Variants in GMDS observed in about 807,000 individuals in gnomAD.
GMDS encodes the protein GDP-mannose 4,6-dehydratase.
GMDS carries 20 observed loss-of-function variants against 49.9 expected under a neutral mutation model. That is an observed-to-expected ratio of 0.40 (90% CI 0.28 to 0.58). The LOEUF (loss-of-function observed/expected upper bound fraction) is 0.58, where lower values mean the gene tolerates loss of function less well. Among genes scored for constraint, GMDS ranks in the 20% least tolerant of loss-of-function variants. The pLI is 0.42. For missense variants in GMDS, 362 were observed against 481.4 expected, an observed-to-expected ratio of 0.75 and a Z score of 2.32; for synonymous variants, 177 against 178.6, an observed-to-expected ratio of 0.99 and a Z score of 0.07.
At chr6:1,665,853 T>A (rs980455316) in intron 9 of GMDS, among the ~76,000 whole-genome samples, 2 of 152,242 alleles carry the variant, frequency 1.3e-5, no homozygotes, top group Non-Finnish European at 2.9e-5. Context: ...GTGAAAAAGC[T>A]CTCCTGAGCT....
At chr6:2,016,967 CAT>C (rs914628472) in intron 4 of GMDS, among the ~76,000 whole-genome samples, 1 of 151,700 alleles carries the variant, frequency 6.6e-6, no homozygotes, top group African/African-American at 2.4e-5. Flanking sequence ...ATCTAAAACA[CAT>C]AATCTAAATT....
At chr6:1,889,557 C>T (rs1759777016) in intron 7 of GMDS, among the ~76,000 whole-genome samples, 2 of 152,156 alleles carry the variant, frequency 1.3e-5, no homozygotes, top group African/African-American at 4.8e-5. Context: ...AGACCTCTCT[C>T]CCAAGTTCCA....
At chr6:1,731,263 A>G (rs754088557) in intron 8 of GMDS, among the ~76,000 whole-genome samples, 2 of 152,248 alleles carry the variant, frequency 1.3e-5, no homozygotes, top group Non-Finnish European at 2.9e-5. Context: ...GGCAGTCAGT[A>G]TAACAGGATT....
chr6:1,752,231 T>C (rs1767764126), intron 7 of GMDS, among the ~76,000 whole-genome samples: 1 of 152,036 alleles, frequency 6.6e-6, no homozygotes, highest in African/African-American at 2.4e-5. Context: ...GAGAACTTCG[T>C]GAAGCATACA....
intron 8 of GMDS, among the ~76,000 whole-genome samples, chr6:1,739,348 C>T (rs1276387161): frequency 3.3e-5 from 5 of 152,200 alleles, no homozygotes; most frequent in East Asian, 3.9e-4. Context: ...AGTAGGGGTG[C>T]GGCTCCTGGC....
chr6:2,076,195 T>G (rs1485275473), intron 4 of GMDS, among the ~76,000 whole-genome samples: 1 of 152,198 alleles, frequency 6.6e-6, no homozygotes, highest in Non-Finnish European at 1.5e-5. Context: ...TCTCCCATTC[T>G]GTAGGTTGCC....
chr6:1,729,987 C>G (rs938430531), intron 8 of GMDS, among the ~76,000 whole-genome samples: 2 of 149,172 alleles, frequency 1.3e-5, no homozygotes, highest in African/African-American at 5.0e-5. Context: ...TTGGTGGGGG[C>G]GGGGGAACAA....
chr6:2,176,584 C>G (rs1778294883), intron 1 of GMDS, among the ~76,000 whole-genome samples: 1 of 152,140 alleles, frequency 6.6e-6, no homozygotes, highest in Non-Finnish European at 1.5e-5. Flanking sequence ...TTAACTTAGG[C>G]AAGGTGTAGA....
At chr6:1,780,099 G>C in intron 7 of GMDS, among the ~76,000 whole-genome samples, 1 of 152,240 alleles carries the variant, frequency 6.6e-6, no homozygotes, top group East Asian at 1.9e-4. Flanking sequence ...GAAAAAGAGC[G>C]AAGTGAATCC....
intron 7 of GMDS, among the ~76,000 whole-genome samples, chr6:1,922,346 C>T (rs1761757875): frequency 6.6e-6 from 1 of 152,146 alleles, no homozygotes; most frequent in South Asian, 2.1e-4. Flanking sequence ...ACCACTAACA[C>T]TTTAGACAAT....
intron 4 of GMDS, among the ~76,000 whole-genome samples, chr6:1,991,987 G>A (rs1177860696): frequency 2.0e-5 from 3 of 152,192 alleles, no homozygotes; most frequent in Non-Finnish European, 2.9e-5. Flanking sequence ...CCCTAGATGC[G>A]AGGAAGAGGC....
At chr6:1,832,222 C>T (rs1241963356) in intron 7 of GMDS, among the ~76,000 whole-genome samples, 1 of 151,238 alleles carries the variant, frequency 6.6e-6, no homozygotes, top group Non-Finnish European at 1.5e-5. Context: ...AAGACCCCAT[C>T]TCTACAAAAA....
chr6:1,696,625 C>G (rs1428667992), intron 9 of GMDS, among the ~76,000 whole-genome samples: 3 of 152,200 alleles, frequency 2.0e-5, no homozygotes, highest in Non-Finnish European at 2.9e-5. Context: ...GAAGGTAAGG[C>G]AGACATTATG....
intron 7 of GMDS, among the ~76,000 whole-genome samples, chr6:1,911,000 G>A (rs1761023889): frequency 6.6e-6 from 1 of 152,132 alleles, no homozygotes; most frequent in Non-Finnish European, 1.5e-5. Flanking sequence ...ATTTCCCAAG[G>A]TGGTCTGATG....
chr6:1,856,919 G>A (rs1757961637), intron 7 of GMDS, among the ~76,000 whole-genome samples: 1 of 152,192 alleles, frequency 6.6e-6, no homozygotes, highest in Non-Finnish European at 1.5e-5. Context: ...AAAAACCATT[G>A]CTGGAAGGAC....
intron 4 of GMDS, among the ~76,000 whole-genome samples, chr6:2,101,129 T>C (rs1183539841): frequency 1.3e-5 from 2 of 151,906 alleles, no homozygotes; most frequent in Non-Finnish European, 2.9e-5. Context: ...ATTTAGTATG[T>C]AATTTATGTT....
intron 6 of GMDS, among the ~76,000 whole-genome samples, chr6:1,933,049 C>T (rs1418576521): frequency 6.6e-6 from 1 of 152,140 alleles, no homozygotes; most frequent in African/African-American, 2.4e-5. Flanking sequence ...TCTCCTAGTA[C>T]CCTAGCCCTG....
At chr6:1,860,199 T>A (rs556027516) in intron 7 of GMDS, among the ~76,000 whole-genome samples, 1 of 152,342 alleles carries the variant, frequency 6.6e-6, no homozygotes, top group East Asian at 1.9e-4. Context: ...AAATGTGATA[T>A]GTAATAAAAA....
intron 9 of GMDS, among the ~76,000 whole-genome samples, chr6:1,692,707 GAC>G (rs1335743650): frequency 6.6e-6 from 1 of 152,150 alleles, no homozygotes; most frequent in Non-Finnish European, 1.5e-5. Flanking sequence ...TAATTTTCAT[GAC>G]AGACATTATA....
Sources: gnomAD v4.1 joint callset for allele counts (sites outside exome capture counted in the v4.1 genomes callset) on GRCh38, gnomAD v4.1.1 for gene constraint, MANE v1.5 for transcripts, NCBI Gene and HGNC (gene_info 2026-07-23, HGNC 2026-07-21) for gene names.